ARAP2: variants seen among roughly 807,000 people sequenced by gnomAD.
The protein encoded by ARAP2 is arf-GAP with Rho-GAP domain, ANK repeat and PH domain-containing protein 2.
ARAP2 carries 148 observed loss-of-function variants against 194.5 expected under a neutral mutation model. The observed-to-expected ratio is 0.76, with a 90% CI of 0.67 to 0.87. ARAP2 has a LOEUF of 0.87. Among genes scored for constraint, ARAP2 ranks in the 40% least tolerant of loss-of-function variants. The pLI is 0.00. For missense variants in ARAP2, 2,128 were observed against 1,989.7 expected, an observed-to-expected ratio of 1.07 and a Z score of -1.32; for synonymous variants, 695 against 683.5, an observed-to-expected ratio of 1.02 and a Z score of -0.26.
intron 32 of ARAP2, among the ~76,000 whole-genome samples, chr4:36,069,816 G>A (rs1009444127): frequency 6.6e-6 from 1 of 152,142 alleles, no homozygotes; most frequent in African/African-American, 2.4e-5. Context: ...CCTGATAGGA[G>A]GTGACTGAAT....
intron 6 of ARAP2, among the ~76,000 whole-genome samples, chr4:36,204,987 CAAAAAAAAAAAAAAAAAAAAAAA>C (rs754960122): frequency 2.9e-5 from 1 of 35,072 alleles, no homozygotes; most frequent in African/African-American, 1.3e-4. Context: ...GACTCCATCT[CAAAAAAAAAAAAAAAAAAAAAAA>C]AAAAAAAAAA....
At chr4:36,074,053 A>T (rs1261684509) in intron 31 of ARAP2, among the ~76,000 whole-genome samples, 2 of 152,132 alleles carry the variant, frequency 1.3e-5, no homozygotes, top group Admixed American at 1.3e-4. Context: ...TTTCAAATAC[A>T]TGCCTTCTAT....
intron 27 of ARAP2, among the ~76,000 whole-genome samples, chr4:36,092,843 G>C (rs1714093529): frequency 6.6e-6 from 1 of 151,988 alleles, no homozygotes; most frequent in African/African-American, 2.4e-5. Context: ...AGATAAAAAA[G>C]GAAACACCTT....
chr4:36,020,238 C>T (rs1324535010), intron 5 of ARAP2, among the ~76,000 whole-genome samples: 2 of 152,128 alleles, frequency 1.3e-5, no homozygotes, highest in Non-Finnish European at 2.9e-5. Context: ...TGGTGAAACC[C>T]CGCCTCTATT....
chr4:36,208,580 G>C (rs1746070587), intron 6 of ARAP2, among the ~76,000 whole-genome samples: 1 of 152,152 alleles, frequency 6.6e-6, no homozygotes, highest in African/African-American at 2.4e-5. Flanking sequence ...CATAAGGAAG[G>C]GGTAGGCATC....
rs144788933 is a variant in ARAP2, at chr4:36,046,385, C to T, written n.510-309G>A. On this transcript the variant is annotated intron_variant and non_coding_transcript_variant, in intron 4 of 12. Coordinates refer to the ARAP2 transcript ENST00000503225. ...GTTGTTTTTTGTACAGATAAGGTCT[C>T]ACTATATTGTCCTGGCCAGTCTCAA... Among the ~76,000 whole-genome samples, 9 of 152,178 alleles carry T rather than the reference C, an allele frequency of 5.9e-5. No homozygotes were observed. In the East Asian group the frequency reaches 1.7e-3, roughly 29 times the overall value.
intron 3 of ARAP2, chr4:36,046,976 C>G (rs150021398): frequency 1.2e-4 from 18 of 152,282 alleles, no homozygotes; most frequent in African/African-American, 4.3e-4. Context: ...GGTCAAGAAG[C>G]ATATATTCCG....
chr4:36,052,045 A>G (rs1722757577), exon 3 of ARAP2: 1 of 152,268 alleles, frequency 6.6e-6, no homozygotes, highest in South Asian at 2.1e-4. Context: ...CTGTTAGAAC[A>G]GTTCATACCT....
chr4:36,054,314 C>T (rs1723149502), intron 2 of ARAP2, among the ~76,000 whole-genome samples: 1 of 152,160 alleles, frequency 6.6e-6, no homozygotes, highest in Admixed American at 6.5e-5. Context: ...TAAATATACA[C>T]CATTGGCATT....
chr4:36,221,283 G>A (rs1339348018), intron 2 of ARAP2, among the ~76,000 whole-genome samples: 2 of 151,998 alleles, frequency 1.3e-5, no homozygotes, highest in African/African-American at 4.8e-5. Context: ...ATATTTCTCA[G>A]AATGTGTGGC....
At chr4:36,041,629 C>T (rs1007092016) in intron 5 of ARAP2, among the ~76,000 whole-genome samples, 1 of 152,100 alleles carries the variant, frequency 6.6e-6, no homozygotes, top group Non-Finnish European at 1.5e-5. Context: ...GGCAATTCTA[C>T]AAAGAGCTAA....
chr4:36,027,688 T>C (rs1272877598), intron 5 of ARAP2, among the ~76,000 whole-genome samples: 13 of 152,084 alleles, frequency 8.5e-5, no homozygotes, highest in Non-Finnish European at 1.3e-4. Context: ...ACCATCTTCA[T>C]CTCCACCATA....
chr4:36,071,857 C>G (rs1049995100), intron 32 of ARAP2, among the ~76,000 whole-genome samples: 15 of 151,800 alleles, frequency 9.9e-5, no homozygotes, highest in East Asian at 1.9e-4. Context: ...CCGCTCCCCC[C>G]ACCCCAACAC....
intron 2 of ARAP2, among the ~76,000 whole-genome samples, chr4:36,227,329 A>T (rs1277662368): frequency 6.6e-6 from 1 of 152,204 alleles, no homozygotes; most frequent in African/African-American, 2.4e-5. Flanking sequence ...GTTGTTTAAT[A>T]AATGTGGTTA....
exon 8 of ARAP2, chr4:36,015,599 T>C (rs1332699942): frequency 1.3e-5 from 2 of 152,214 alleles, no homozygotes; most frequent in African/African-American, 4.8e-5. Flanking sequence ...TCTTCACATA[T>C]GGTATATGGG....
chr4:36,013,184 C>T (rs1310048408), intron 8 of ARAP2, among the ~76,000 whole-genome samples: 1 of 151,908 alleles, frequency 6.6e-6, no homozygotes, highest in African/African-American at 2.4e-5. Context: ...TTGTCTATGA[C>T]CAGTGAAAAA....
chr4:36,221,921 A>C (rs1227264220), intron 2 of ARAP2, among the ~76,000 whole-genome samples: 2 of 152,130 alleles, frequency 1.3e-5, no homozygotes, highest in Non-Finnish European at 2.9e-5. Flanking sequence ...TGGTATCCTA[A>C]TCCTACCAAT....
chr4:36,029,915 CT>C (rs561017491), intron 5 of ARAP2, among the ~76,000 whole-genome samples: 1 of 152,008 alleles, frequency 6.6e-6, no homozygotes, highest in Admixed American at 6.6e-5. Flanking sequence ...TCCTGTTTTC[CT>C]TTTTGTAGCA....
intron 19 of ARAP2, among the ~76,000 whole-genome samples, chr4:36,136,926 G>T (rs955265332): frequency 4.3e-4 from 11 of 25,562 alleles, no homozygotes; most frequent in African/African-American, 2.6e-3. Flanking sequence ...ACATACACGC[G>T]CGCGCGCACA....
Sources: allele counts gnomAD v4.1 joint callset (sites outside exome capture counted in the v4.1 genomes callset), GRCh38; gene constraint gnomAD v4.1.1; transcripts MANE v1.5; gene names NCBI Gene and HGNC (gene_info 2026-07-23, HGNC 2026-07-21).